The following RGS3 variants were observed in gnomAD, a reference collection of about 807,000 sequenced individuals.
RGS3 encodes regulator of G-protein signalling 3.
Under a neutral mutation model 132.6 loss-of-function variants are expected in RGS3, and 80 were observed. That is an observed-to-expected ratio of 0.60 (90% CI 0.50 to 0.73). The LOEUF (loss-of-function observed/expected upper bound fraction) is 0.73, where lower values mean the gene tolerates loss of function less well. RGS3 is among the 30% of genes least tolerant of loss of function. The pLI is 0.00. For synonymous variants in RGS3, 598 were observed against 620.6 expected, an observed-to-expected ratio of 0.96 and a Z score of 0.54; for missense variants, 1,382 against 1,530.8, an observed-to-expected ratio of 0.90 and a Z score of 1.62.
At chr9:113,566,576 G>A (rs753158930) in intron 19 of RGS3, among the ~76,000 whole-genome samples, 2 of 152,204 alleles carry the variant, frequency 1.3e-5, no homozygotes, top group Non-Finnish European at 2.9e-5. Flanking sequence ...CCAGGATAGA[G>A]AACTTCTGCC....
intron 14 of RGS3, among the ~76,000 whole-genome samples, chr9:113,514,241 G>T (rs1404447881): frequency 6.6e-6 from 1 of 152,194 alleles, no homozygotes; most frequent in African/African-American, 2.4e-5. Flanking sequence ...GCTTGCTCAC[G>T]TGTCAACGTC....
upstream of RGS3, among the ~76,000 whole-genome samples, chr9:113,456,751 TTAAAA>T (rs1370717800): frequency 2.6e-5 from 4 of 152,188 alleles, no homozygotes; most frequent in African/African-American, 7.2e-5. Flanking sequence ...CTCTATGCTC[TTAAAA>T]TAAAGCCCAA....
At chr9:113,483,248 C>G in intron 5 of RGS3, 131 bp downstream of exon 3, 1 of 682,078 alleles carries the variant, frequency 1.5e-6, no homozygotes, top group East Asian at 2.5e-5. Flanking sequence ...CTCATCTTCT[C>G]AATAGGCATT....
chr9:113,461,672 G>A, intron 1 of RGS3: 1 of 1,596,902 alleles, frequency 6.3e-7, no homozygotes, highest in Non-Finnish European at 8.5e-7. Context: ...CCGGGTGTAA[G>A]TGCCCAGTGT....
intron 16 of RGS3, among the ~76,000 whole-genome samples, chr9:113,519,799 C>T (rs1250130802): frequency 6.6e-6 from 1 of 152,134 alleles, no homozygotes; most frequent in Non-Finnish European, 1.5e-5. Flanking sequence ...TGGGCATGCT[C>T]AAGTTTGCTA....
chr9:113,508,510 C>A (rs1395763033), intron 13 of RGS3, 31 bp from the exon 12 acceptor site: 2 of 1,612,154 alleles, frequency 1.2e-6, no homozygotes, highest in East Asian at 2.2e-5. Flanking sequence ...GTTCCTGGGG[C>A]TGAGGTGGTT....
At chr9:113,472,845 C>G (rs778224347) in intron 3 of RGS3, among the ~76,000 whole-genome samples, 24 of 152,038 alleles carry the variant, frequency 1.6e-4, no homozygotes, top group Non-Finnish European at 1.2e-4. Context: ...TCGAGAGCAG[C>G]CTGGCCAACA....
At chr9:113,595,960 C>G (rs866360613) in intron 24 of RGS3, among the ~76,000 whole-genome samples, 195 bp downstream of exon 22, 15 of 152,262 alleles carry the variant, frequency 9.9e-5, no homozygotes, top group Non-Finnish European at 1.0e-4. Flanking sequence ...ATGGCCACCA[C>G]CAAGGCACTG....
At chr9:113,517,688 C>A in intron 16 of RGS3, 64 bp downstream of exon 14, 2 of 1,286,968 alleles carry the variant, frequency 1.6e-6, no homozygotes, top group South Asian at 1.2e-5. Context: ...ATTCTCCAGG[C>A]CCCTCACTTT....
chr9:113,447,460 C>T (rs1829139731), intron 1 of RGS3, among the ~76,000 whole-genome samples: 1 of 148,132 alleles, frequency 6.8e-6, no homozygotes, highest in African/African-American at 2.5e-5. Context: ...AAAATGGTTC[C>T]TTTTACTTAT....
chr9:113,451,186 A>G (rs1316859416), intron 1 of RGS3, among the ~76,000 whole-genome samples: 3 of 148,234 alleles, frequency 2.0e-5, no homozygotes, highest in Middle Eastern at 3.3e-3. Context: ...CTCAAAAAAA[A>G]AGAAAAAAAA....
rs1829513223 is a variant in RGS3 at position 113,463,014 on chromosome 9, A to G, written c.415+813A>G. On this transcript the variant is annotated intron_variant, in intron 3 of 24. Coordinates refer to ENST00000350696, the Ensembl canonical transcript of RGS3. This position sits in a 1 kb window ranked among gnomAD's most constrained non-coding sequence, Gnocchi z 4.6. ...GCAGCAAAGCAGGGTTTGACCTTCC[A>G]GCTCTGCCTCCCCGCACCAGGCTGG... Among the ~76,000 whole-genome samples, 1 of 152,202 alleles carries G rather than the reference A, an allele frequency of 6.6e-6. No homozygotes were observed. The highest frequency in any genetic ancestry group is 6.5e-5 in the Admixed American group (1 of 15,282).
chr9:113,482,816 G>C (rs1311939445), intron 4 of RGS3: 1 of 794,502 alleles, frequency 1.3e-6, no homozygotes, highest in African/African-American at 1.7e-5. Context: ...GCATTGGTGA[G>C]GGTGCTGCCA....
intron 21 of RGS3, chr9:113,593,690 A>G: frequency 1.8e-6 from 1 of 565,898 alleles, no homozygotes; most frequent in South Asian, 2.1e-5. Context: ...GTCTAGGGAA[A>G]AGAGGGGCGA....
chr9:113,560,891 A>C (rs1833755009), intron 19 of RGS3, among the ~76,000 whole-genome samples: 1 of 152,110 alleles, frequency 6.6e-6, no homozygotes, highest in South Asian at 2.1e-4. Context: ...GCCGGTGTGT[A>C]CCCAGCACAG....
intron 3 of RGS3, 142 bp downstream of exon 1, chr9:113,464,023 GT>G: frequency 3.5e-6 from 3 of 854,188 alleles, no homozygotes; most frequent in Non-Finnish European, 5.4e-6. Context: ...CCTTTCTCCT[GT>G]GACTGCCCAG....
chr9:113,543,708 C>T (rs973937409), intron 19 of RGS3, among the ~76,000 whole-genome samples: 2 of 152,190 alleles, frequency 1.3e-5, no homozygotes, highest in South Asian at 2.1e-4. Context: ...CAGACAGGTG[C>T]AGAGGACAGG....
chr9:113,520,551 T>G (rs187264760), intron 16 of RGS3, among the ~76,000 whole-genome samples: 9,557 of 150,746 alleles, frequency 0.063, 391 homozygotes, highest in Non-Finnish European at 0.089. Context: ...TGTTTTTTTT[T>G]TTTTTTTTTT....
At chr9:113,486,638 A>C (rs111428824) in intron 7 of RGS3, among the ~76,000 whole-genome samples, 5,996 of 152,350 alleles carry the variant, frequency 0.039, 162 homozygotes, top group South Asian at 0.1. Context: ...CCCCATGGTC[A>C]GTATCATTTG....
Sources: gnomAD v4.1 joint callset for allele counts (sites outside exome capture counted in the v4.1 genomes callset) on GRCh38, gnomAD v4.1.1 for gene constraint, Gnocchi (gnomAD v3.1) non-coding constraint, MANE v1.5 for transcripts, NCBI Gene and HGNC (gene_info 2026-07-23, HGNC 2026-07-21) for gene names.